The following RSRC2 variants were observed in gnomAD, a reference collection of about 807,000 sequenced individuals.
The protein encoded by RSRC2 is arginine/serine-rich coiled-coil protein 2.
A neutral mutation model predicts 61.3 loss-of-function variants in RSRC2; 5 were observed. The ratio of observed to expected loss-of-function variants is 0.08; its 90% CI spans 0.04 to 0.17. RSRC2 has a LOEUF of 0.17. Among genes scored for constraint, RSRC2 ranks in the 10% least tolerant of loss-of-function variants. RSRC2 has a pLI of 1.00. For synonymous variants in RSRC2, 202 were observed against 166.5 expected (o/e 1.21, Z -1.64); for missense variants, 381 against 518.8 (o/e 0.73, Z 2.58).
intron 6 of RSRC2, among the ~76,000 whole-genome samples, chr12:122,512,849 T>C (rs757360845): frequency 3.3e-5 from 5 of 152,162 alleles, no homozygotes; most frequent in Non-Finnish European, 7.4e-5. Context: ...TAACATAGAC[T>C]TGACTTTGTC....
intron 9 of RSRC2, among the ~76,000 whole-genome samples, chr12:122,506,183 C>G (rs768412611): frequency 6.6e-6 from 1 of 151,828 alleles, no homozygotes; most frequent in Non-Finnish European, 1.5e-5. Context: ...GTCAGGATTT[C>G]GAGACTAGCC....
At chr12:122,524,891 G>C (rs556220950) in intron 1 of RSRC2, among the ~76,000 whole-genome samples, 1 of 152,256 alleles carries the variant, frequency 6.6e-6, no homozygotes, top group South Asian at 2.1e-4. Flanking sequence ...GGCTCTACGA[G>C]GTAGCCACTT....
chr12:122,507,424 G>A (rs1958183946), intron 8 of RSRC2, among the ~76,000 whole-genome samples: 1 of 151,644 alleles, frequency 6.6e-6, no homozygotes, highest in African/African-American at 2.4e-5. Flanking sequence ...TTATTTTCCT[G>A]TCATAGACCT....
chr12:122,513,653 A>G (rs1226982793), intron 6 of RSRC2: 7 of 243,246 alleles, frequency 2.9e-5, no homozygotes, highest in African/African-American at 1.6e-4. Context: ...TTATTTCCAT[A>G]CTAGTTTCAG....
chr12:122,505,847 C>A, intron 9 of RSRC2, 141 bp from the exon 10 acceptor site: 1 of 651,258 alleles, frequency 1.5e-6, no homozygotes, highest in Non-Finnish European at 2.5e-6. Context: ...GGTGCCATCT[C>A]GGCTCACTGC....
chr12:122,521,346 G>A (rs1404748571), intron 3 of RSRC2, 39 bp downstream of exon 3: 8 of 1,465,436 alleles, frequency 5.5e-6, no homozygotes, highest in East Asian at 2.3e-5. Context: ...CACTTTATAA[G>A]TATTTTAAAG....
chr12:122,515,924 G>A (rs1392867090), intron 5 of RSRC2, among the ~76,000 whole-genome samples: 1 of 152,144 alleles, frequency 6.6e-6, no homozygotes, highest in Admixed American at 6.6e-5. Flanking sequence ...AGGAGGCAGA[G>A]GTTGCAGTGA....
At chr12:122,510,327 G>C (rs1593368931) in intron 7 of RSRC2, among the ~76,000 whole-genome samples, 1 of 151,192 alleles carries the variant, frequency 6.6e-6, no homozygotes, top group Non-Finnish European at 1.5e-5. Flanking sequence ...TCAAGAGATC[G>C]ACACCATCCT....
intron 4 of RSRC2, among the ~76,000 whole-genome samples, chr12:122,518,289 C>A (rs1342651774): frequency 2.0e-5 from 3 of 150,672 alleles, no homozygotes; most frequent in Admixed American, 1.3e-4. Context: ...AACAGAGAGA[C>A]CATCTCAAAA....
At chr12:122,510,416 G>GCTAC (rs921585771) in intron 7 of RSRC2, among the ~76,000 whole-genome samples, 6 of 152,302 alleles carry the variant, frequency 3.9e-5, no homozygotes, top group Admixed American at 6.5e-5. Flanking sequence ...TGTAGTCCCA[G>GCTAC]CTACAGGGGA....
In RSRC2 at chr12:122,505,495, A is replaced by T. The variant is rs1115154; in HGVS notation, c.*32T>A. The T allele has an allele frequency of 1.9e-6, 3 of 1,600,968 alleles. No individual in the cohort carries two copies. The highest frequency in any genetic ancestry group is 2.2e-5 in the East Asian group (1 of 44,612). The stretch of plus-strand genomic sequence containing the variant: ...GACGTGACATCAGAACAAGAAGTCT[A>T]TAAGTCCCAAACTTTACAAGTGTGA... On this transcript the variant is annotated 3_prime_UTR_variant, in exon 10 of 10. Transcript: ENST00000331738.
chr12:122,507,185 C>T (rs1464029230), intron 8 of RSRC2: 1 of 435,442 alleles, frequency 2.3e-6, no homozygotes, highest in African/African-American at 2.0e-5. Context: ...CGAGACTAGC[C>T]TGGATGACTA....
chr12:122,509,440 C>T (rs1452489532), intron 7 of RSRC2, among the ~76,000 whole-genome samples: 1 of 150,790 alleles, frequency 6.6e-6, no homozygotes, highest in Non-Finnish European at 1.5e-5. Context: ...ACAGTATGAG[C>T]CTCCGTCTCA....
chr12:122,525,433 C>T (rs1960008065), intron 1 of RSRC2, among the ~76,000 whole-genome samples: 1 of 152,054 alleles, frequency 6.6e-6, no homozygotes, highest in African/African-American at 2.4e-5. Flanking sequence ...TTTAAGTATA[C>T]TGAGGCCCAA....
At chr12:122,506,726 C>A in intron 9 of RSRC2, 108 bp downstream of exon 9, 3 of 711,312 alleles carry the variant, frequency 4.2e-6, no homozygotes, top group East Asian at 2.6e-5. Flanking sequence ...GGAAAGAACT[C>A]AAAAACGCTG....
At chr12:122,520,484 T>G in intron 3 of RSRC2, 1 of 1,296,850 alleles carries the variant, frequency 7.7e-7, no homozygotes, top group Non-Finnish European at 1.0e-6. Flanking sequence ...GAAATAGGAG[T>G]TTGAATGACT....
At chr12:122,521,332 C>G (rs1959202789) in intron 3 of RSRC2, 53 bp downstream of exon 3, 2 of 1,370,492 alleles carry the variant, frequency 1.5e-6, no homozygotes, top group Non-Finnish European at 2.1e-6. Context: ...ATCTTTCTAC[C>G]AGACACTTTA....
intron 2 of RSRC2, 123 bp from the exon 3 acceptor site, chr12:122,521,551 A>G (rs1230252464): frequency 2.6e-6 from 2 of 769,998 alleles, no homozygotes; most frequent in East Asian, 2.6e-5. Context: ...TAATTTTTTC[A>G]TGGCACGGGT....
chr12:122,515,635 A>G (rs1215138281), intron 5 of RSRC2, among the ~76,000 whole-genome samples: 1 of 152,214 alleles, frequency 6.6e-6, no homozygotes, highest in Non-Finnish European at 1.5e-5. Context: ...TCATTCCTAC[A>G]TATTTTCATC....
Sources: allele counts gnomAD v4.1 joint callset (sites outside exome capture counted in the v4.1 genomes callset), GRCh38; gene constraint gnomAD v4.1.1; transcripts MANE v1.5; gene names NCBI Gene and HGNC (gene_info 2026-07-23, HGNC 2026-07-21).